ACTN1: variants seen among roughly 807,000 people sequenced by gnomAD.
ACTN1 encodes the protein actinin alpha 1.
ACTN1 carries 30 observed loss-of-function variants against 119.6 expected under a neutral mutation model. The observed-to-expected ratio is 0.25, with a 90% CI of 0.19 to 0.34. The LOEUF (loss-of-function observed/expected upper bound fraction) is 0.34. ACTN1 is among the 10% of genes least tolerant of loss of function. The pLI is 1.00. For missense variants in ACTN1, 764 were observed against 1,223.4 expected (o/e 0.62, Z 5.60); for synonymous variants, 429 against 472.6 (o/e 0.91, Z 1.20).
At position 68,885,350 on chromosome 14, in the gene ACTN1, C is replaced by A; in HGVS notation, c.1385+75G>T. On this transcript the variant is annotated intron_variant, in intron 12 of 21. Coordinates refer to ENST00000394419, the MANE Select transcript of ACTN1 (RefSeq NM_001130004.2). The surrounding 1 kb of genome is among the most constrained non-coding windows in gnomAD (Gnocchi z 5.6). ...CCTCCCCATCTTCCACGGCCACACCCCCACCTCCCCCAGCAGCTGAGAAAG... is the reference window on the plus strand; with the variant it reads ...CCTCCCCATCTTCCACGGCCACACCACCACCTCCCCCAGCAGCTGAGAAAG... 1 of 1,519,592 alleles carries A rather than the reference C, an allele frequency of 6.6e-7. No homozygotes were observed. The highest frequency in any genetic ancestry group is 2.3e-5 in the East Asian group (1 of 43,222). 94.1% of individuals were successfully genotyped at this position (1,519,592 alleles called of 1,614,324 possible). A position where few individuals can be genotyped will look rare whatever the true frequency, so the allele number is the denominator to read the frequency against.
At chr14:68,895,404 G>T (rs1010362822) in intron 8 of ACTN1, among the ~76,000 whole-genome samples, 2 of 152,174 alleles carry the variant, frequency 1.3e-5, no homozygotes, top group African/African-American at 4.8e-5. Context: ...GCTTTTCCTG[G>T]AGCCTGTCTA....
rs1349794768 is a variant in ACTN1 at position 68,950,477 on chromosome 14, T to TATATATATATATATAC, written c.106-24806_106-24805insGTATATATATATATAT. Among the ~76,000 whole-genome samples the TATATATATATATATAC allele has an allele frequency of 6.8e-4, 99 of 144,880 alleles. 4 individuals carry two copies. The highest frequency in any genetic ancestry group is 2.5e-3 in the African/African-American group (89 of 34,990). ...ATGCGTGTGTGTATATATATATATA[T>TATATATATATATATAC]AAATCAAACATATAAAATCTGTGGT... On this transcript the variant is annotated intron_variant, in intron 1 of 21. Coordinates refer to ENST00000394419, the MANE Select transcript of ACTN1 (RefSeq NM_001130004.2).
chr14:68,974,636 C>T (rs953833685), intron 1 of ACTN1, among the ~76,000 whole-genome samples: 3 of 152,152 alleles, frequency 2.0e-5, no homozygotes, highest in African/African-American at 7.2e-5. Context: ...TTGAGATGCA[C>T]CTCCAATTCC....
intron 2 of ACTN1, among the ~76,000 whole-genome samples, chr14:68,924,577 G>T (rs1007453990): frequency 3.9e-5 from 6 of 152,246 alleles, no homozygotes; most frequent in Non-Finnish European, 5.9e-5. Context: ...CGGGCTGAGG[G>T]CTGTGAGAGG....
chr14:68,977,898 G>C, intron 1 of ACTN1: 1 of 454,972 alleles, frequency 2.2e-6, no homozygotes, highest in South Asian at 1.6e-5. Flanking sequence ...CGGGAGGAGG[G>C]GGAGGGAAAG....
intron 1 of ACTN1, among the ~76,000 whole-genome samples, chr14:68,926,925 C>T (rs1319437893): frequency 6.6e-6 from 1 of 152,178 alleles, no homozygotes. Context: ...AACAGGGGGA[C>T]AGAAGCTATC....
chr14:68,885,641 A>AC lies in ACTN1; in HGVS notation c.1235-67dup. 1 of 1,556,014 alleles carries AC rather than the reference A, an allele frequency of 6.4e-7. No homozygotes were observed. The highest frequency in any genetic ancestry group is 1.2e-5 in the South Asian group (1 of 86,260). Reference sequence around the variant, plus strand: ...AGCATCTCCTTGGTCCCAACCGCCCACCCCTCAGGGCCCCAGGAGCTCCAC... The same window carrying AC: ...AGCATCTCCTTGGTCCCAACCGCCCACCCCCTCAGGGCCCCAGGAGCTCCAC... On this transcript the variant is annotated intron_variant, in intron 11 of 21. Coordinates refer to ENST00000394419, the MANE Select transcript of ACTN1 (RefSeq NM_001130004.2). This position sits in a 1 kb window ranked among gnomAD's most constrained non-coding sequence, Gnocchi z 5.6.
intron 11 of ACTN1, 122 bp downstream of exon 11, chr14:68,890,017 G>A (rs527585724): frequency 1.0e-5 from 15 of 1,430,986 alleles, no homozygotes; most frequent in Non-Finnish European, 1.4e-5. Context: ...CTAAAGCCAT[G>A]GAACTAGTAA....
Position 68,898,440 on chromosome 14 carries a change from C to T in ACTN1, c.762+4037G>A, listed in dbSNP as rs984095469. 3.9e-5 allele frequency among the ~76,000 whole-genome samples: 6 copies of T among 152,356 alleles called. No individual in the cohort carries two copies. The South Asian group carries it at 8.3e-4, about 21-fold the overall frequency. On this transcript the variant is annotated intron_variant, in intron 8 of 21. Transcript: ENST00000394419. Reference sequence around the variant, plus strand: ...GAGCTGTGCACCACACGTGCACACACACATTAGGCGCTGTTGCCTTTTCAT... The same window carrying T: ...GAGCTGTGCACCACACGTGCACACATACATTAGGCGCTGTTGCCTTTTCAT...
chr14:68,970,475 G>A (rs1439060946), intron 1 of ACTN1, among the ~76,000 whole-genome samples: 1 of 152,234 alleles, frequency 6.6e-6, no homozygotes, highest in African/African-American at 2.4e-5. Flanking sequence ...AGCCTCGGCT[G>A]CCTGGTTCAA....
At chr14:68,881,169 G>A in intron 16 of ACTN1, 180 bp from the exon 17 acceptor site, 1 of 591,852 alleles carries the variant, frequency 1.7e-6, no homozygotes, top group Non-Finnish European at 3.0e-6. Context: ...TCTTAGGTAT[G>A]GAAACAGCAC....
chr14:68,913,832 G>A (rs1046972313), intron 3 of ACTN1, among the ~76,000 whole-genome samples: 1 of 152,184 alleles, frequency 6.6e-6, no homozygotes, highest in African/African-American at 2.4e-5. Context: ...GAGAGAAACA[G>A]AGAGCTGAGC....
At position 68,918,661 on chromosome 14, in the gene ACTN1, C is replaced by T. The variant is rs145117308; in HGVS notation, c.340+2345G>A. ...CTGTAATCTCAACACTTTGGGAGGCCGAGGCGGGCGGATCACAAGGTCAGG... is the reference window on the plus strand; with the variant it reads ...CTGTAATCTCAACACTTTGGGAGGCTGAGGCGGGCGGATCACAAGGTCAGG... On this transcript the variant is annotated intron_variant, in intron 3 of 21. Coordinates refer to ENST00000394419, the MANE Select transcript of ACTN1 (RefSeq NM_001130004.2). Among the ~76,000 whole-genome samples the T allele has an allele frequency of 8.5e-3, 1,288 of 150,712 alleles. 12 individuals carry two copies. The highest frequency in any genetic ancestry group is 0.029 in the African/African-American group (1,206 of 40,988).
intron 1 of ACTN1, among the ~76,000 whole-genome samples, chr14:68,963,286 A>C (rs2140625526): frequency 6.6e-6 from 1 of 152,328 alleles, no homozygotes; most frequent in Non-Finnish European, 1.5e-5. Context: ...ATGACAAGGA[A>C]ATTGCCCGTC....
intron 1 of ACTN1, 77 bp downstream of exon 1, chr14:68,978,861 CAGAGCCCGGAGCCG>C: frequency 1.1e-6 from 1 of 902,318 alleles, no homozygotes; most frequent in African/African-American, 1.8e-5. Context: ...GGAACCGGTT[CAGAGCCCGGAGCCG>C]AGAGCCCGGC....
intron 1 of ACTN1, among the ~76,000 whole-genome samples, chr14:68,973,274 C>T (rs1205995405): frequency 1.3e-5 from 2 of 152,168 alleles, no homozygotes; most frequent in Admixed American, 6.5e-5. Flanking sequence ...CCCACCCAAA[C>T]GTCATCTTGA....
At chr14:68,934,725 G>C (rs577491993) in intron 1 of ACTN1, among the ~76,000 whole-genome samples, 1 of 152,186 alleles carries the variant, frequency 6.6e-6, no homozygotes, top group Non-Finnish European at 1.5e-5. Context: ...TAAGGTATTA[G>C]GTTAAGTATA....
intron 2 of ACTN1, 100 bp from the exon 3 acceptor site, chr14:68,921,225 G>A (rs2140356492): frequency 6.8e-7 from 1 of 1,467,860 alleles, no homozygotes; most frequent in East Asian, 2.3e-5. Flanking sequence ...GCTTAGCTAG[G>A]CAGAAGCATG....
intron 1 of ACTN1, among the ~76,000 whole-genome samples, chr14:68,950,496 C>A (rs2036124276): frequency 1.8e-5 from 2 of 113,982 alleles, no homozygotes; most frequent in South Asian, 2.5e-4. Flanking sequence ...CATATAAAAT[C>A]TGTGGTATAG....
Sources: allele counts gnomAD v4.1 joint callset (sites outside exome capture counted in the v4.1 genomes callset), GRCh38; gene constraint gnomAD v4.1.1; non-coding constraint Gnocchi (gnomAD v3.1); transcripts MANE v1.5; gene names NCBI Gene and HGNC (gene_info 2026-07-23, HGNC 2026-07-21).